The following CPEB2 variants were observed in gnomAD, a reference collection of about 807,000 sequenced individuals.
CPEB2 encodes the protein cytoplasmic polyadenylation element binding protein 2, also known as cytoplasmic polyadenylation element-binding protein 2.
Under a neutral mutation model 93.6 loss-of-function variants are expected in CPEB2, and 56 were observed. The ratio of observed to expected loss-of-function variants is 0.60; its 90% CI spans 0.48 to 0.75. The LOEUF (loss-of-function observed/expected upper bound fraction) is 0.75, where lower values mean the gene tolerates loss of function less well. Ranked by LOEUF, CPEB2 falls within the 30% of genes least tolerant of loss-of-function variation. CPEB2 has a pLI of 0.00. For synonymous variants in CPEB2, 764 were observed against 586.3 expected, an observed-to-expected ratio of 1.30 and a Z score of -4.38; for missense variants, 1,579 against 1,395.1, an observed-to-expected ratio of 1.13 and a Z score of -2.10.
At chr4:15,018,567 T>C (rs977591630) in intron 4 of CPEB2, among the ~76,000 whole-genome samples, 18 of 151,420 alleles carry the variant, frequency 1.2e-4, no homozygotes, top group African/African-American at 3.9e-4. Flanking sequence ...TTCACTGTTA[T>C]GCTGGCAGTT....
intron 7 of CPEB2, 120 bp from the exon 8 acceptor site, chr4:15,054,008 C>A: frequency 1.7e-6 from 1 of 590,266 alleles, no homozygotes; most frequent in Non-Finnish European, 3.0e-6. Context: ...TGTTTATATT[C>A]TAATTTATCT....
At chr4:15,061,946 G>T (rs761706705) in intron 10 of CPEB2, 133 bp from the exon 11 acceptor site, 40 of 792,822 alleles carry the variant, frequency 5.0e-5, no homozygotes, top group Non-Finnish European at 7.4e-5. Context: ...TTTAACAACA[G>T]CCTCTTATCT....
At chr4:15,061,385 A>G (rs1729176200) in intron 10 of CPEB2, among the ~76,000 whole-genome samples, 1 of 152,116 alleles carries the variant, frequency 6.6e-6, no homozygotes, top group African/African-American at 2.4e-5. Context: ...GAGCAGAATT[A>G]GTGGGATAAT....
rs1248834050 is a variant in CPEB2, at chr4:15,018,934, TTTTATA to T, written c.2125+1658_2125+1663del. On this transcript the variant is annotated intron_variant, in intron 4 of 11. Transcript: ENST00000538197. The stretch of plus-strand genomic sequence containing the variant: ...GGAAGCATTATAAGGCTAAGGGGAA[TTTTATA>T]TATATATATATATATATATATATAT... Among the ~76,000 whole-genome samples, 51 of 61,536 alleles carry T rather than the reference TTTTATA, an allele frequency of 8.3e-4. 1 individual carries two copies. The South Asian group carries it at 0.025, about 30-fold the overall frequency. 40.4% of individuals were successfully genotyped at this position (61,536 alleles called of 152,430 possible).
intron 2 of CPEB2, 31 bp downstream of exon 2, chr4:15,007,617 T>G: frequency 7.3e-7 from 1 of 1,378,172 alleles, no homozygotes; most frequent in Non-Finnish European, 9.7e-7. Flanking sequence ...ACCTTATCTC[T>G]AATGTTAATC....
Position 15,003,952 on chromosome 4 carries a change from C to T in CPEB2, c.1279C>T (p.Pro427Ser). The T allele has an allele frequency of 2.3e-6, 3 of 1,319,758 alleles. No homozygotes were observed. The East Asian group carries it at 9.2e-5, about 40-fold the overall frequency. 81.8% of individuals were successfully genotyped at this position (1,319,758 alleles called of 1,614,324 possible). The change falls in exon 1 of 12, where the codon CCG becomes TCG. Residue 427 changes from proline to serine, a missense_variant. Transcript: ENST00000538197. ...PQPPGSSATT[P>S]GGGSGGSLSA... ...GCCGCCCGGCTCGTCTGCCACCACC[C>T]CGGGCGGCGGCAGCGGCGGCTCGCT...
intron 6 of CPEB2, among the ~76,000 whole-genome samples, chr4:15,042,761 C>T (rs972807626): frequency 6.6e-6 from 1 of 152,132 alleles, no homozygotes; most frequent in South Asian, 2.1e-4. Flanking sequence ...AGGAATGACT[C>T]AGAAATGGCT....
chr4:15,033,094 G>T lies in CPEB2; in HGVS notation c.2126-67G>T, dbSNP rs1726285061. ...TATGCTGCCTTTGTTGTTGTTTTTTGTTTTTTTGTTTTTGCTTTTCAAATA... is the reference window on the plus strand; with the variant it reads ...TATGCTGCCTTTGTTGTTGTTTTTTTTTTTTTTGTTTTTGCTTTTCAAATA... On this transcript the variant is annotated intron_variant, in intron 4 of 11. Coordinates refer to ENST00000538197, the MANE Select transcript of CPEB2 (RefSeq NM_001177382.2). 3 of 1,129,596 alleles carry T rather than the reference G, an allele frequency of 2.7e-6. No individual in the cohort carries two copies. Among genetic ancestry groups the T allele is most frequent in the Non-Finnish European group, 1.3e-6 (1 of 770,848 alleles). The allele number at this position is 1,129,596 out of a possible 1,614,324, so 70.0% of individuals were successfully genotyped here. A position where few individuals can be genotyped will look rare whatever the true frequency, so the allele number is the denominator to read the frequency against.
At position 15,003,744 on chromosome 4, in the gene CPEB2, G is replaced by C. The variant is rs1211506008; in HGVS notation, c.1071G>C (p.Gly357=). The C allele has an allele frequency of 7.9e-6, 10 of 1,268,296 alleles. No homozygotes were observed. The East Asian group carries it at 1.3e-4, about 17-fold the overall frequency. 78.6% of individuals were successfully genotyped at this position (1,268,296 alleles called of 1,614,324 possible). Residue 357 remains glycine (G), a synonymous_variant, in exon 1 of 12, where the codon GGG becomes GGC. Coordinates refer to ENST00000538197, the MANE Select transcript of CPEB2 (RefSeq NM_001177382.2). ...LPHPGGGGGG[G]GGGPPGGGGG... The stretch of plus-strand genomic sequence containing the variant: ...ACCCGGGCGGCGGCGGCGGCGGCGG[G>C]GGCGGGGGGCCCCCAGGAGGCGGAG...
At chr4:15,020,444 T>C (rs1420848528) in intron 4 of CPEB2, among the ~76,000 whole-genome samples, 1 of 152,120 alleles carries the variant, frequency 6.6e-6, no homozygotes, top group Non-Finnish European at 1.5e-5. Context: ...AGTGGCAGGT[T>C]CCTGACCTAA....
Position 15,004,210 on chromosome 4 carries a change from C to T in CPEB2, c.1537C>T (p.Pro513Ser). 1 of 1,493,682 alleles carries T rather than the reference C, an allele frequency of 6.7e-7. No homozygotes were observed. Among genetic ancestry groups the T allele is most frequent in the Non-Finnish European group, 8.9e-7 (1 of 1,128,112 alleles). The allele number at this position is 1,493,682 out of a possible 1,614,324, so 92.5% of individuals were successfully genotyped here. A position where few individuals can be genotyped will look rare whatever the true frequency, so the allele number is the denominator to read the frequency against. Residue 513 changes from proline to serine, a missense_variant, in exon 1 of 12, where the codon CCG (proline) becomes TCG (serine). Pro to Ser is a moderately conservative substitution (Grantham distance 74, BLOSUM62 -1). Transcript: ENST00000538197. ...CATGAATATACCTCAACAGCAGCCCCCGCCGCCCGCGGCGCCGCAGCAGCC... is the reference window on the plus strand; with the variant it reads ...CATGAATATACCTCAACAGCAGCCCTCGCCGCCCGCGGCGCCGCAGCAGCC... ...PAMNIPQQQP[P>S]PPAAPQQPQS...
intron 6 of CPEB2, 104 bp downstream of exon 6, chr4:15,040,591 A>G: frequency 9.7e-7 from 1 of 1,032,446 alleles, no homozygotes; most frequent in South Asian, 1.5e-5. Flanking sequence ...CTGAAAACTC[A>G]CACAATTGTA....
At position 15,002,961 on chromosome 4, in the gene CPEB2, G is replaced by C; in HGVS notation, c.288G>C (p.Glu96Asp). 1 of 1,513,416 alleles carries C rather than the reference G, an allele frequency of 6.6e-7. No individual in the cohort carries two copies. The highest frequency in any genetic ancestry group is 8.8e-7 in the Non-Finnish European group (1 of 1,140,702). The allele number at this position is 1,513,416 out of a possible 1,614,324, so 93.7% of individuals were successfully genotyped here. A position where few individuals can be genotyped will look rare whatever the true frequency, so the allele number is the denominator to read the frequency against. The change falls in exon 1 of 12, where the codon GAG becomes GAC. Residue 96 changes from glutamate (E) to aspartate (D), a missense_variant. This residue lies in a region of CPEB2 where 1,411 missense variants were observed against 1,056.0 expected (regional missense o/e 1.34). Transcript: ENST00000538197. The part of the protein sequence containing the change: ...FLAHQQTMQD[E>D]LLLGLTQQPA... ...CGCATCAGCAGACCATGCAGGATGA[G>C]CTGCTTCTGGGGCTGACACAGCAGC...
chr4:15,036,223 A>G (rs566683036), intron 5 of CPEB2, among the ~76,000 whole-genome samples: 1 of 152,318 alleles, frequency 6.6e-6, no homozygotes, highest in East Asian at 1.9e-4. Context: ...ATGAGGCTGT[A>G]GAGATATTTT....
In CPEB2 at chr4:15,033,279, C is replaced by G. The variant is rs146301158; in HGVS notation, c.2176+68C>G. ...TAAAGATGATTTAATACATGTTTCT[C>G]TGAACCTGTCCATACACACAATTTA... On this transcript the variant is annotated intron_variant, in intron 5 of 11. Transcript: ENST00000538197. 6.7e-4 allele frequency: 644 copies of G among 966,324 alleles called. 9 individuals are homozygous for G. In the East Asian group the frequency reaches 0.012, roughly 18 times the overall value. The allele number at this position is 966,324 out of a possible 1,614,324, so 59.9% of individuals were successfully genotyped here.
At chr4:15,061,960 A>G in intron 10 of CPEB2, 119 bp from the exon 11 acceptor site, 1 of 951,362 alleles carries the variant, frequency 1.1e-6, no homozygotes, top group South Asian at 1.9e-5. Flanking sequence ...CTTATCTGCC[A>G]TTCTACTCCT....
intron 4 of CPEB2, among the ~76,000 whole-genome samples, chr4:15,018,967 T>C (rs1041308589): frequency 0.016 from 1,764 of 110,488 alleles, 28 homozygotes; most frequent in African/African-American, 0.04. Context: ...TATATATATA[T>C]ATACACACGC....
chr4:15,033,042 A>G, intron 4 of CPEB2, 119 bp from the exon 5 acceptor site: 1 of 643,942 alleles, frequency 1.6e-6, no homozygotes, highest in Non-Finnish European at 2.7e-6. Flanking sequence ...TTCTTAAGAA[A>G]TATACTGTGC....
chr4:15,019,820 T>C (rs1476762047), intron 4 of CPEB2, among the ~76,000 whole-genome samples: 1 of 152,044 alleles, frequency 6.6e-6, no homozygotes, highest in African/African-American at 2.4e-5. Flanking sequence ...AGGAGAGATA[T>C]TAGTTATCTC....
Sources: gnomAD v4.1 joint callset for allele counts (sites outside exome capture counted in the v4.1 genomes callset) on GRCh38, gnomAD v4.1.1 for gene constraint, gnomAD v4.1.1 regional missense constraint, MANE v1.5 for transcripts, NCBI Gene and HGNC (gene_info 2026-07-23, HGNC 2026-07-21) for gene names.